The following VPS13C variants were observed in gnomAD, a reference collection of about 807,000 sequenced individuals.
The protein encoded by VPS13C is intermembrane lipid transfer protein VPS13C.
In VPS13C, 358 loss-of-function variants were observed where a neutral mutation model predicts 456.8. The observed-to-expected ratio is 0.78, with a 90% CI of 0.72 to 0.86. The LOEUF (loss-of-function observed/expected upper bound fraction) is 0.86, where lower values mean the gene tolerates loss of function less well. Among genes scored for constraint, VPS13C ranks in the 40% least tolerant of loss-of-function variants. The pLI is 0.00. For synonymous variants in VPS13C, 1,578 were observed against 1,486.7 expected (o/e 1.06, Z -1.41); for missense variants, 4,818 against 4,385.4 (o/e 1.10, Z -2.79).
chr15:62,039,206 G>A (rs2048160226), intron 3 of VPS13C, among the ~76,000 whole-genome samples: 1 of 152,062 alleles, frequency 6.6e-6, no homozygotes, highest in Non-Finnish European at 1.5e-5. Context: ...ACAGTTGACT[G>A]GATAAAGAAA....
chr15:61,906,770 TA>T (rs1224498264), intron 66 of VPS13C: 1 of 166,728 alleles, frequency 6.0e-6, no homozygotes, highest in Admixed American at 5.7e-5. Flanking sequence ...GCTAAGAGTC[TA>T]AAAAATAACA....
intron 4 of VPS13C, 95 bp from the exon 5 acceptor site, chr15:62,033,637 A>T: frequency 1.5e-6 from 1 of 688,116 alleles, no homozygotes; most frequent in Non-Finnish European, 2.2e-6. Flanking sequence ...GTAAGTGTAT[A>T]ATCCTTCTGC....
chr15:61,987,373 G>A (rs575390658), intron 18 of VPS13C, among the ~76,000 whole-genome samples: 15 of 152,126 alleles, frequency 9.9e-5, no homozygotes, highest in African/African-American at 2.2e-4. Flanking sequence ...AGTTCCACAC[G>A]GCTGGGGAGG....
At chr15:61,981,269 ACAG>A (rs763612415) in intron 22 of VPS13C, 70 bp downstream of exon 22, 54 of 1,459,784 alleles carry the variant, frequency 3.7e-5, no homozygotes, top group South Asian at 3.4e-4. Context: ...GAAGAAAAAA[ACAG>A]CAAACTGTTG....
intron 82 of VPS13C, among the ~76,000 whole-genome samples, chr15:61,861,264 T>C (rs1361617256): frequency 6.6e-6 from 1 of 152,122 alleles, no homozygotes; most frequent in Non-Finnish European, 1.5e-5. Flanking sequence ...ACACCCAGCC[T>C]ATTTTCATCT....
intron 9 of VPS13C, 100 bp from the exon 10 acceptor site, chr15:62,014,092 C>T: frequency 6.5e-6 from 5 of 774,384 alleles, no homozygotes; most frequent in Non-Finnish European, 1.0e-5. Context: ...GAAGAAATGA[C>T]ATCTACTTAA....
At chr15:61,915,122 G>A (rs1181698531) in intron 61 of VPS13C, among the ~76,000 whole-genome samples, 2 of 152,038 alleles carry the variant, frequency 1.3e-5, no homozygotes, top group Non-Finnish European at 2.9e-5. Flanking sequence ...AAAGGGTGCA[G>A]CATATACAAA....
chr15:61,971,501 T>A (rs1045021362), intron 27 of VPS13C, among the ~76,000 whole-genome samples: 4 of 152,122 alleles, frequency 2.6e-5, no homozygotes, highest in African/African-American at 9.7e-5. Context: ...CCTCAGATGA[T>A]CCACCCACCT....
intron 41 of VPS13C, 101 bp from the exon 42 acceptor site, chr15:61,949,706 G>C: frequency 8.7e-7 from 1 of 1,151,222 alleles, no homozygotes; most frequent in Non-Finnish European, 1.2e-6. Context: ...TCAATTAAGG[G>C]CCTTTTTAAA....
In VPS13C at chr15:61,951,958, T is replaced by C. The variant is rs1396764720; in HGVS notation, c.4322A>G (p.Lys1441Arg). 1 of 1,613,096 alleles carries C rather than the reference T, an allele frequency of 6.2e-7. No homozygotes were observed. Among genetic ancestry groups the C allele is most frequent in the Non-Finnish European group, 8.5e-7 (1 of 1,179,648 alleles). ...IKEVVVTLMK[K>R]SEKKGRPLHE... ...TAAAGGCCTTCCTTTCTTTTCTGAT[T>C]TTTTCATCAAAGTAACCACAACCTA... Residue 1441 changes from lysine to arginine, a missense_variant, in exon 39 of 85, where the codon AAA becomes AGA. Lys to Arg is a conservative substitution (Grantham distance 26, BLOSUM62 2). Coordinates refer to ENST00000644861, the MANE Select transcript of VPS13C (RefSeq NM_020821.3).
At chr15:61,983,003 T>G (rs1428113518) in intron 20 of VPS13C, among the ~76,000 whole-genome samples, 2 of 152,180 alleles carry the variant, frequency 1.3e-5, no homozygotes, top group African/African-American at 4.8e-5. Flanking sequence ...TCAGAGATTT[T>G]CCAAGATGAA....
At chr15:61,859,358 T>C (rs965388606) in intron 82 of VPS13C, among the ~76,000 whole-genome samples, 1 of 152,114 alleles carries the variant, frequency 6.6e-6, no homozygotes, top group Non-Finnish European at 1.5e-5. Context: ...AATGAGAACC[T>C]GTTTCAAAAA....
Position 61,961,855 on chromosome 15 carries a change from C to CA in VPS13C, c.3641dup (p.Ser1215GlufsTer30). 1 of 1,613,788 alleles carries CA rather than the reference C, an allele frequency of 6.2e-7. No homozygotes were observed. On this transcript the variant is annotated frameshift_variant, in exon 35 of 85. Transcript: ENST00000644861. LOFTEE classifies it high-confidence loss of function. ...CTGCAGCCTGGGCAGTGGCAGCACT[C>CA]AGAGACTCTTTGGCTGTCTGGAAAT...
At chr15:62,040,143 T>C (rs1203076605) in intron 3 of VPS13C, among the ~76,000 whole-genome samples, 1 of 152,062 alleles carries the variant, frequency 6.6e-6, no homozygotes, top group African/African-American at 2.4e-5. Context: ...CACTTACTTG[T>C]GGGAACTAAA....
chr15:61,872,016 T>C lies in VPS13C; in HGVS notation c.10597A>G (p.Thr3533Ala). The stretch of plus-strand genomic sequence containing the variant: ...TCCACAGGTTTTGTTATTATTCCAG[T>C]CACTCCACCAACAACTCCCTGAAAG... ...GFLRGVVGGV[T>A]GIITKPVEGA... Residue 3533 changes from threonine to alanine, a missense_variant, in exon 79 of 85, where the codon ACT (threonine) becomes GCT (alanine). Around this residue, in one of 3 missense-constraint regions of VPS13C, gnomAD observed 4,552 missense variants for 4,130.6 expected, o/e 1.10. Coordinates refer to ENST00000644861, the MANE Select transcript of VPS13C (RefSeq NM_020821.3). 1 of 1,612,722 alleles carries C rather than the reference T, an allele frequency of 6.2e-7. No homozygotes were observed. Among genetic ancestry groups the C allele is most frequent in the Non-Finnish European group, 8.5e-7 (1 of 1,179,248 alleles).
chr15:62,044,374 A>C, intron 1 of VPS13C, 119 bp from the exon 2 acceptor site: 1 of 573,504 alleles, frequency 1.7e-6, no homozygotes, highest in Non-Finnish European at 2.9e-6. Flanking sequence ...ATGATAAACA[A>C]AGGTGACTTA....
chr15:61,965,591 A>G (rs559122130), intron 30 of VPS13C, among the ~76,000 whole-genome samples: 1 of 152,016 alleles, frequency 6.6e-6, no homozygotes, highest in African/African-American at 2.4e-5. Flanking sequence ...ATTAAAACAG[A>G]TTTCCCCATC....
chr15:61,860,733 T>C (rs1020733697), intron 82 of VPS13C, among the ~76,000 whole-genome samples: 12 of 152,228 alleles, frequency 7.9e-5, no homozygotes, highest in South Asian at 4.1e-4. Flanking sequence ...TTTTTGTACA[T>C]AGTTTTCGTA....
chr15:61,944,023 C>G (rs908143934), intron 45 of VPS13C, among the ~76,000 whole-genome samples: 2 of 151,570 alleles, frequency 1.3e-5, no homozygotes, highest in Non-Finnish European at 2.9e-5. Context: ...AAGGAGCCAA[C>G]AAACATATGA....
Sources: gnomAD v4.1 joint callset for allele counts (sites outside exome capture counted in the v4.1 genomes callset) on GRCh38, gnomAD v4.1.1 for gene constraint, gnomAD v4.1.1 regional missense constraint, MANE v1.5 for transcripts, NCBI Gene and HGNC (gene_info 2026-07-23, HGNC 2026-07-21) for gene names.